Variants in NARF observed in about 807,000 individuals in gnomAD.
NARF encodes nuclear prelamin A recognition factor.
In NARF, 41 loss-of-function variants were observed where a neutral mutation model predicts 48.0. The observed-to-expected ratio is 0.85, with a 90% CI of 0.66 to 1.11. The LOEUF (loss-of-function observed/expected upper bound fraction) is 1.11, where lower values mean the gene tolerates loss of function less well. Ranked by LOEUF, NARF falls within the 50% of genes least tolerant of loss-of-function variation. The probability of loss-of-function intolerance (pLI) is 0.00; values close to 1 mark genes in which losing one functional copy is unlikely to be tolerated. For missense variants in NARF, 613 were observed against 590.2 expected (o/e 1.04, Z -0.40); for synonymous variants, 215 against 225.5 (o/e 0.95, Z 0.42).
Position 82,485,543 on chromosome 17 carries a change from GTGTTACGCTTTGC to G in NARF, c.1021_1033del (p.Leu341GlnfsTer11). The G allele has an allele frequency of 6.2e-7, 1 of 1,614,262 alleles. No individual in the cohort carries two copies. The highest frequency in any genetic ancestry group is 2.2e-5 in the East Asian group (1 of 44,896). On this transcript the variant is annotated frameshift_variant, in exon 10 of 11. Transcript: ENST00000309794. LOFTEE classifies it high-confidence loss of function. ...CACCCTTGAGAAGAACGGAGAGGTGGTGTTACGCTTTGCTGCAGCCTATGGCTTTCGAAACATC... is the reference window on the plus strand; with the variant it reads ...CACCCTTGAGAAGAACGGAGAGGTGGTGCAGCCTATGGCTTTCGAAACATC...
chr17:82,487,788 C>CCAAAAGGA, intron 10 of NARF, 128 bp from the exon 11 acceptor site: 2 of 759,774 alleles, frequency 2.6e-6, no homozygotes, highest in Non-Finnish European at 4.1e-6. Context: ...CCCTCCCGCC[C>CCAAAAGGA]AATCTCTACA....
intron 7 of NARF, 107 bp from the exon 8 acceptor site, chr17:82,483,609 A>T: frequency 2.0e-6 from 2 of 990,304 alleles, no homozygotes; most frequent in South Asian, 1.4e-5. Context: ...TGGAGATTTC[A>T]TAAGAGGGAG....
upstream of NARF, chr17:82,458,735 A>C (rs1380461115): frequency 1.3e-5 from 19 of 1,457,154 alleles, no homozygotes; most frequent in Non-Finnish European, 1.7e-5. Context: ...GGCGGCGGGC[A>C]GTGGTGTCCC....
chr17:82,460,915 A>ATTTTTTTTTTTTTTT (rs137987200), intron 2 of NARF: 17 of 149,692 alleles, frequency 1.1e-4, no homozygotes, highest in African/African-American at 4.2e-4. Context: ...TCTTCTTTTA[A>ATTTTTTTTTTTTTTT]TTTTTTTTTT....
At chr17:82,483,643 A>T in intron 7 of NARF, 73 bp from the exon 8 acceptor site, 1 of 1,449,166 alleles carries the variant, frequency 6.9e-7, no homozygotes, top group Non-Finnish European at 9.7e-7. Flanking sequence ...ACTAATGTCA[A>T]ATCTCCTGCA....
chr17:82,480,804 C>T (rs995824263), intron 6 of NARF: 1 of 511,306 alleles, frequency 2.0e-6, no homozygotes, highest in Non-Finnish European at 3.5e-6. Context: ...TGGCGGCATG[C>T]GCCTGTAGTC....
intron 2 of NARF, chr17:82,460,580 CA>C (rs1400576201): frequency 1.3e-5 from 2 of 152,208 alleles, no homozygotes; most frequent in African/African-American, 4.8e-5. Flanking sequence ...CTGGCTAACA[CA>C]GTGAAACCTC....
chr17:82,458,596 A>T, upstream of NARF: 1 of 589,738 alleles, frequency 1.7e-6, no homozygotes, highest in Non-Finnish European at 2.6e-6. Flanking sequence ...TCATTGGCCT[A>T]GGCAAAGCCG....
intron 5 of NARF, among the ~76,000 whole-genome samples, chr17:82,478,265 G>C (rs1319889317): frequency 2.6e-5 from 4 of 152,222 alleles, no homozygotes; most frequent in Non-Finnish European, 5.9e-5. Flanking sequence ...AGATTGTGCG[G>C]GCATGTAGTG....
chr17:82,458,609 AG>A (rs1052187117), upstream of NARF: 18 of 635,014 alleles, frequency 2.8e-5, no homozygotes, highest in Admixed American at 6.6e-4. Flanking sequence ...CAAAGCCGTA[AG>A]GGTGGGGAAT....
At chr17:82,467,778 A>G (rs1340939854) in intron 3 of NARF, among the ~76,000 whole-genome samples, 1 of 152,166 alleles carries the variant, frequency 6.6e-6, no homozygotes, top group Non-Finnish European at 1.5e-5. Flanking sequence ...TTCTGGGATT[A>G]CAGGTATGAG....
intron 5 of NARF, among the ~76,000 whole-genome samples, chr17:82,475,745 AC>A (rs2043818587): frequency 6.6e-6 from 1 of 152,170 alleles, no homozygotes; most frequent in African/African-American, 2.4e-5. Context: ...CAGGGCCCCT[AC>A]CTAGCATTGT....
intron 3 of NARF, among the ~76,000 whole-genome samples, chr17:82,466,986 C>G (rs1460622417): frequency 1.3e-5 from 2 of 151,532 alleles, no homozygotes; most frequent in Admixed American, 6.6e-5. Context: ...AGCCACCGTA[C>G]CTGGCCTTCT....
chr17:82,464,527 C>T (rs748050096), intron 3 of NARF, 97 bp downstream of exon 3: 93 of 1,412,808 alleles, frequency 6.6e-5, no homozygotes, highest in Non-Finnish European at 8.4e-5. Flanking sequence ...GCTGGGACAT[C>T]GGATGCACAT....
At chr17:82,458,700 CG>C (rs962808568), upstream of NARF, 4 of 1,381,442 alleles carry the variant, frequency 2.9e-6, no homozygotes, top group African/African-American at 1.5e-5. Flanking sequence ...GAGGCCGCGT[CG>C]GGGGAGGACA....
intron 1 of NARF, chr17:82,459,215 C>A (rs940170595): frequency 9.8e-7 from 1 of 1,025,530 alleles, no homozygotes; most frequent in African/African-American, 1.7e-5. Context: ...ACCGAGCAGC[C>A]GGTGCAGGGG....
rs765640579 is a variant in NARF at position 82,484,831 on chromosome 17, G to C, written c.852G>C (p.Glu284Asp). 76 of 1,607,694 alleles carry C rather than the reference G, an allele frequency of 4.7e-5. 2 individuals carry two copies. The South Asian group carries it at 8.0e-4, about 17-fold the overall frequency. The change falls in exon 9 of 11, where the codon GAG becomes GAC. Residue 284 changes from glutamate (E) to aspartate (D), a missense_variant. Physicochemically the swap from Glu to Asp is conservative, Grantham distance 45 (BLOSUM62 2). Coordinates refer to ENST00000309794, the MANE Select transcript of NARF (RefSeq NM_012336.4). The part of the protein sequence containing the change: ...AVDTLFGDLK[E>D]DKVTRHDGAS... ...TTGTGAGGTTTGGAGACTTGAAGGA[G>C]GACAAAGTGACGCGTCATGATGGAG...
intron 2 of NARF, 27 bp downstream of exon 2, chr17:82,460,099 A>T (rs1020511140): frequency 6.3e-7 from 1 of 1,591,502 alleles, no homozygotes; most frequent in African/African-American, 1.3e-5. Context: ...GTTTTGTATC[A>T]GCCCAGAGTA....
chr17:82,484,714 C>T lies in NARF; in HGVS notation c.834-99C>T, dbSNP rs904362400. 1.7e-5 allele frequency: 24 copies of T among 1,422,658 alleles called. No homozygotes were observed. In the African/African-American group the frequency reaches 2.6e-4, roughly 16 times the overall value. The allele number at this position is 1,422,658 out of a possible 1,614,324, so 88.1% of individuals were successfully genotyped here. On this transcript the variant is annotated intron_variant, in intron 8 of 10. Transcript: ENST00000309794. ...GTACAGGATTTAGCTTCTTTGGTGG[C>T]GAACTTGGATTGTGATGCCCTCAGG...
Sources: allele counts gnomAD v4.1 joint callset (sites outside exome capture counted in the v4.1 genomes callset), GRCh38; gene constraint gnomAD v4.1.1; transcripts MANE v1.5; gene names NCBI Gene and HGNC (gene_info 2026-07-23, HGNC 2026-07-21).